Variants in EEF1E1 observed in about 807,000 individuals in gnomAD.
EEF1E1 encodes eukaryotic translation elongation factor 1 epsilon-1.
Under a neutral mutation model 19.9 loss-of-function variants are expected in EEF1E1, and 19 were observed. The observed-to-expected ratio is 0.95, with a 90% CI of 0.66 to 1.40. The LOEUF is 1.40. Ranked by LOEUF, EEF1E1 falls within the 40% of genes most tolerant of loss-of-function variation. The probability of loss-of-function intolerance (pLI) is 0.00; values close to 1 mark genes in which losing one functional copy is unlikely to be tolerated. For synonymous variants in EEF1E1, 81 were observed against 80.0 expected (o/e 1.01, Z -0.07); for missense variants, 198 against 202.2 (o/e 0.98, Z 0.13).
At position 8,102,457 on chromosome 6, in the gene EEF1E1, T is replaced by C. The variant is rs924107769; in HGVS notation, c.65A>G (p.Tyr22Cys). Residue 22 changes from tyrosine to cysteine, a missense_variant, in exon 1 of 4, where the codon TAC becomes TGC. Tyr to Cys is a radical substitution (Grantham distance 194). Transcript: ENST00000379715. ...KSLGLSKGNK[Y>C]SAQGERQIPV... ...CACCTGTCGCTCGCCCTGAGCACTG[T>C]ATTTATTCCCCTTACTCAGTCCCAG... 3 of 1,612,512 alleles carry C rather than the reference T, an allele frequency of 1.9e-6. No individual in the cohort carries two copies. Among genetic ancestry groups the C allele is most frequent in the Non-Finnish European group, 2.5e-6 (3 of 1,179,914 alleles).
intron 1 of EEF1E1, among the ~76,000 whole-genome samples, chr6:8,100,921 T>C (rs1266824458): frequency 6.8e-6 from 1 of 146,888 alleles, no homozygotes; most frequent in Non-Finnish European, 1.5e-5. Context: ...ATCTTGGCAA[T>C]GGTCCCTAAA....
chr6:8,095,327 C>G (rs1180524365), intron 2 of EEF1E1: 2 of 396,996 alleles, frequency 5.0e-6, no homozygotes, highest in Non-Finnish European at 1.0e-5. Context: ...ATGATGAAAC[C>G]CTATCTCTAC....
intron 3 of EEF1E1, among the ~76,000 whole-genome samples, chr6:8,073,843 C>A (rs530773613): frequency 1.3e-5 from 2 of 152,346 alleles, no homozygotes; most frequent in East Asian, 3.9e-4. Context: ...GGCATTTTCC[C>A]ATTTAAGCAT....
downstream of EEF1E1, among the ~76,000 whole-genome samples, chr6:8,077,240 G>C (rs986517496): frequency 6.6e-6 from 1 of 152,162 alleles, no homozygotes; most frequent in East Asian, 1.9e-4. Context: ...ACTGCCCCTG[G>C]CAAGATTTAG....
At chr6:8,078,537 G>A (rs954952665), downstream of EEF1E1, 109 of 630,836 alleles carry the variant, frequency 1.7e-4, no homozygotes, top group Non-Finnish European at 2.2e-4. Flanking sequence ...AGCACAAGCC[G>A]ACGGAAAAAT....
chr6:8,099,691 G>T (rs1045250982), intron 1 of EEF1E1, among the ~76,000 whole-genome samples: 1 of 150,432 alleles, frequency 6.6e-6, no homozygotes, highest in Non-Finnish European at 1.5e-5. Context: ...AGGTTGCAGT[G>T]AGCCGAGATC....
At chr6:8,098,510 T>C (rs1196312103) in intron 1 of EEF1E1, among the ~76,000 whole-genome samples, 1 of 152,226 alleles carries the variant, frequency 6.6e-6, no homozygotes, top group Non-Finnish European at 1.5e-5. Context: ...TACAAGGAGA[T>C]TAATACTCTA....
intron 2 of EEF1E1, among the ~76,000 whole-genome samples, chr6:8,093,323 C>CTT (rs1758072983): frequency 2.4e-5 from 2 of 84,820 alleles, no homozygotes; most frequent in African/African-American, 5.0e-5. Flanking sequence ...ACATTCGCTT[C>CTT]CTTTTTTTTT....
chr6:8,073,932 A>T (rs1757535182), intron 3 of EEF1E1, among the ~76,000 whole-genome samples: 1 of 152,156 alleles, frequency 6.6e-6, no homozygotes, highest in Non-Finnish European at 1.5e-5. Flanking sequence ...GCAGAGCTTT[A>T]TTCTGGGTGC....
chr6:8,099,944 A>G lies in EEF1E1; in HGVS notation c.88-2477T>C, dbSNP rs1292792548. Among the ~76,000 whole-genome samples the G allele has an allele frequency of 1.4e-5, 2 of 141,440 alleles. 1 individual carries two copies. The highest frequency in any genetic ancestry group is 1.5e-4 in the Admixed American group (2 of 13,726). 92.8% of individuals were successfully genotyped at this position (141,440 alleles called of 152,430 possible). ...TAAAGAATCAATATCCTAGATAAGG[A>G]TCTCTGAACTGCTTTCAATTTTTAA... On this transcript the variant is annotated intron_variant, in intron 1 of 3. Coordinates refer to ENST00000379715, the MANE Select transcript of EEF1E1 (RefSeq NM_004280.5).
intron 1 of EEF1E1, among the ~76,000 whole-genome samples, chr6:8,097,969 A>C (rs1758218215): frequency 6.6e-6 from 1 of 152,238 alleles, no homozygotes; most frequent in Admixed American, 6.5e-5. Context: ...CATTATGAGA[A>C]ATGTAAAAGA....
chr6:8,080,497 A>G (rs957273096), intron 3 of EEF1E1, among the ~76,000 whole-genome samples: 1 of 152,214 alleles, frequency 6.6e-6, no homozygotes, highest in Non-Finnish European at 1.5e-5. Context: ...GAGTAAATGC[A>G]TGAGAACAGA....
intron 2 of EEF1E1, among the ~76,000 whole-genome samples, chr6:8,096,689 A>T (rs1758183796): frequency 6.6e-6 from 1 of 152,168 alleles, no homozygotes; most frequent in Admixed American, 6.5e-5. Context: ...AATTAACAAA[A>T]ATAACTTCAT....
intron 2 of EEF1E1, among the ~76,000 whole-genome samples, chr6:8,094,775 C>A (rs910350823): frequency 1.3e-5 from 2 of 152,134 alleles, no homozygotes; most frequent in Admixed American, 1.3e-4. Flanking sequence ...GTAAGACAAA[C>A]CCGTGCTCTT....
chr6:8,079,387 C>T (rs187421843), downstream of EEF1E1: 22 of 987,656 alleles, frequency 2.2e-5, no homozygotes, highest in East Asian at 2.2e-4. Flanking sequence ...AAAGAAACAA[C>T]GAAAAAATAT....
chr6:8,082,111 G>T (rs535340757), intron 3 of EEF1E1, among the ~76,000 whole-genome samples: 1 of 152,226 alleles, frequency 6.6e-6, no homozygotes, highest in African/African-American at 2.4e-5. Context: ...ATTATTTAAA[G>T]AAATACTAAC....
At chr6:8,099,800 A>AAAAAAC (rs1758290737) in intron 1 of EEF1E1, among the ~76,000 whole-genome samples, 1 of 149,750 alleles carries the variant, frequency 6.7e-6, no homozygotes, top group African/African-American at 2.5e-5. Context: ...ACAAAAAAAA[A>AAAAAAC]ACAGAACCCT....
chr6:8,085,905 G>C (rs1227069038), intron 3 of EEF1E1, among the ~76,000 whole-genome samples: 1 of 152,096 alleles, frequency 6.6e-6, no homozygotes, highest in Non-Finnish European at 1.5e-5. Flanking sequence ...TTGCTTTCAT[G>C]TAAAACAGTC....
At chr6:8,081,932 C>G (rs970246306) in intron 3 of EEF1E1, among the ~76,000 whole-genome samples, 3 of 152,312 alleles carry the variant, frequency 2.0e-5, no homozygotes, top group Middle Eastern at 3.4e-3. Flanking sequence ...ATTCTCCACT[C>G]AGCCATTTGG....
Sources: allele counts gnomAD v4.1 joint callset (sites outside exome capture counted in the v4.1 genomes callset), GRCh38; gene constraint gnomAD v4.1.1; transcripts MANE v1.5; gene names NCBI Gene and HGNC (gene_info 2026-07-23, HGNC 2026-07-21).